The following PIEZO2 variants were observed in gnomAD, a reference collection of about 807,000 sequenced individuals.
PIEZO2 encodes piezo-type mechanosensitive ion channel component 2.
PIEZO2 carries 172 observed loss-of-function variants against 337.3 expected under a neutral mutation model. The observed-to-expected ratio is 0.51, with a 90% confidence interval of 0.45 to 0.58. PIEZO2 has a LOEUF of 0.58. PIEZO2 is among the 20% of genes least tolerant of loss of function. The probability of loss-of-function intolerance (pLI) is 0.00; values close to 1 mark genes in which losing one functional copy is unlikely to be tolerated. For synonymous variants in PIEZO2, 1,251 were observed against 1,228.5 expected, an observed-to-expected ratio of 1.02 and a Z score of -0.38; for missense variants, 3,028 against 3,391.3, an observed-to-expected ratio of 0.89 and a Z score of 2.66.
At chr18:11,117,402 C>T (rs1598986080) in intron 1 of PIEZO2, among the ~76,000 whole-genome samples, 1 of 152,162 alleles carries the variant, frequency 6.6e-6, no homozygotes, top group East Asian at 1.9e-4. Context: ...ACATTCTAGC[C>T]TTTGGGACCC....
Position 10,675,209 on chromosome 18 carries a change from C to T in PIEZO2, c.8161G>A (p.Glu2721Lys). ...NSKPIKQLLS[E>K]NNFMDITIIL... ...TGAAACAAATTTTTCTCATTCTTAC[C>T]AGATAAAAGTTGCTTTATAGGTTTT... Residue 2721 changes from glutamate (E) to lysine (K), a missense_variant and splice_region_variant, in exon 54 of 56, where the codon GAA becomes AAA. Coordinates refer to ENST00000674853, the MANE Select transcript of PIEZO2 (RefSeq NM_001378183.1). The T allele has an allele frequency of 6.6e-7, 1 of 1,525,276 alleles. No homozygotes were observed. Among genetic ancestry groups the T allele is most frequent in the Non-Finnish European group, 8.9e-7 (1 of 1,122,844 alleles). The allele number at this position is 1,525,276 out of a possible 1,614,324, so 94.5% of individuals were successfully genotyped here. A position where few individuals can be genotyped will look rare whatever the true frequency, so the allele number is the denominator to read the frequency against.
chr18:10,829,054 T>C (rs1189132998), intron 7 of PIEZO2, among the ~76,000 whole-genome samples: 1 of 152,214 alleles, frequency 6.6e-6, no homozygotes, highest in Non-Finnish European at 1.5e-5. Flanking sequence ...TTCACCTAAG[T>C]TCCTTCACAT....
At chr18:10,690,296 G>A (rs1011676145) in intron 48 of PIEZO2, among the ~76,000 whole-genome samples, 1 of 152,192 alleles carries the variant, frequency 6.6e-6, no homozygotes, top group African/African-American at 2.4e-5. Flanking sequence ...CACAGTGATG[G>A]TGTTGGCTCA....
intron 37 of PIEZO2, 65 bp downstream of exon 37, chr18:10,718,135 T>C: frequency 2.2e-6 from 3 of 1,363,936 alleles, no homozygotes; most frequent in Admixed American, 4.0e-5. Context: ...CCTTCCATTA[T>C]ATACGATCTG....
chr18:10,977,867 A>T (rs1646212808), intron 3 of PIEZO2, among the ~76,000 whole-genome samples: 1 of 152,232 alleles, frequency 6.6e-6, no homozygotes, highest in African/African-American at 2.4e-5. Flanking sequence ...CTGAATAGAC[A>T]AATCTAATAC....
At chr18:10,905,238 T>G (rs186157455) in intron 4 of PIEZO2, among the ~76,000 whole-genome samples, 25 of 152,306 alleles carry the variant, frequency 1.6e-4, no homozygotes, top group Non-Finnish European at 3.1e-4. Context: ...ATCATTGAAT[T>G]AAGACAGAGG....
chr18:10,874,707 T>C (rs1221566738), intron 4 of PIEZO2, among the ~76,000 whole-genome samples: 1 of 152,110 alleles, frequency 6.6e-6, no homozygotes, highest in Non-Finnish European at 1.5e-5. Context: ...TTAAGTGAAA[T>C]AAGTCAGACA....
In PIEZO2 at chr18:10,696,246, C is replaced by T. The variant is rs2035077104; in HGVS notation, c.7018G>A (p.Asp2340Asn). ...ACCAAAAACGGCCCCGGGACCTGGTCCTCTGACAGTGAAGAGGTGATGTCT... is the reference window on the plus strand; with the variant it reads ...ACCAAAAACGGCCCCGGGACCTGGTTCTCTGACAGTGAAGAGGTGATGTCT... ...AADITSSLSE[D>N]QVPGPFLVMV... The change falls in exon 47 of 56, where the codon GAC (aspartate) becomes AAC (asparagine). Residue 2340 changes from aspartate to asparagine, a missense_variant. This residue lies in a region of PIEZO2 where 179 missense variants were observed against 281.8 expected (regional missense o/e 0.64). Coordinates refer to ENST00000674853, the MANE Select transcript of PIEZO2 (RefSeq NM_001378183.1). 6.2e-7 allele frequency: 1 copy of T among 1,614,084 alleles called. No individual in the cohort carries two copies. Among genetic ancestry groups the T allele is most frequent in the South Asian group, 1.1e-5 (1 of 91,088 alleles).
Position 10,736,722 on chromosome 18 carries a change from A to G in PIEZO2, c.4709-12T>C. On this transcript the variant is annotated splice_polypyrimidine_tract_variant and intron_variant, in intron 33 of 55. Coordinates refer to ENST00000674853, the MANE Select transcript of PIEZO2 (RefSeq NM_001378183.1). Reference sequence around the variant, plus strand: ...TCCACTCCTGACCACTAAGCAAAACAAAATATTCACTCATTTCTTGAAAGA... The same window carrying G: ...TCCACTCCTGACCACTAAGCAAAACGAAATATTCACTCATTTCTTGAAAGA... 1 of 1,533,350 alleles carries G rather than the reference A, an allele frequency of 6.5e-7. No homozygotes were observed. The highest frequency in any genetic ancestry group is 8.7e-7 in the Non-Finnish European group (1 of 1,145,616). 95.0% of individuals were successfully genotyped at this position (1,533,350 alleles called of 1,614,324 possible).
At chr18:10,696,953 G>T (rs1334151392) in intron 45 of PIEZO2, among the ~76,000 whole-genome samples, 2 of 152,176 alleles carry the variant, frequency 1.3e-5, no homozygotes, top group African/African-American at 4.8e-5. Context: ...GATGCCTAGG[G>T]CCAAGGTGGG....
intron 4 of PIEZO2, among the ~76,000 whole-genome samples, chr18:10,896,067 A>AAG (rs1401130812): frequency 1.6e-4 from 25 of 151,578 alleles, no homozygotes; most frequent in African/African-American, 5.8e-4. Flanking sequence ...TCTCAAAAAA[A>AAG]AAAAACAAAA....
chr18:10,999,273 T>C (rs113597212), intron 2 of PIEZO2, among the ~76,000 whole-genome samples: 47 of 152,194 alleles, frequency 3.1e-4, no homozygotes, highest in African/African-American at 1.1e-3. Flanking sequence ...TATTTCAAAG[T>C]CTTCTTCAGC....
rs138305436 is a variant in PIEZO2, at chr18:10,795,074, A to G, written c.1528-72T>C. The G allele has an allele frequency of 9.4e-4, 1,179 of 1,254,476 alleles. 17 individuals carry two copies. In the East Asian group the frequency reaches 0.026, roughly 28 times the overall value. 77.7% of individuals were successfully genotyped at this position (1,254,476 alleles called of 1,614,324 possible). A position where few individuals can be genotyped will look rare whatever the true frequency, so the allele number is the denominator to read the frequency against. On this transcript the variant is annotated intron_variant, in intron 12 of 55. Transcript: ENST00000674853. The surrounding 1 kb of genome is among the most constrained non-coding windows in gnomAD (Gnocchi z 4.4). ...CAGTCCCCCCCGCCCTGGTAAGGTA[A>G]AAACTATCTAAAAAGAAAAGGTCAT... is the stretch of plus-strand genomic sequence containing the variant.
chr18:11,017,628 C>A (rs2036163085), intron 2 of PIEZO2, among the ~76,000 whole-genome samples: 1 of 152,086 alleles, frequency 6.6e-6, no homozygotes, highest in Non-Finnish European at 1.5e-5. Context: ...TGTTGTACTG[C>A]AGAATGGTTC....
At chr18:10,881,240 TG>T (rs1415484391) in intron 4 of PIEZO2, among the ~76,000 whole-genome samples, 2 of 152,132 alleles carry the variant, frequency 1.3e-5, no homozygotes, top group Non-Finnish European at 2.9e-5. Context: ...TATGTATGTA[TG>T]TATGTATGAT....
In PIEZO2 at chr18:10,982,050, G is replaced by T. The variant is rs1169724861; in HGVS notation, c.161-2390C>A. 2.0e-5 allele frequency among the ~76,000 whole-genome samples: 3 copies of T among 152,126 alleles called. No homozygotes were observed. The highest frequency in any genetic ancestry group is 1.9e-4 in the East Asian group (1 of 5,186). On this transcript the variant is annotated intron_variant, in intron 2 of 55. Transcript: ENST00000674853. This position sits in a 1 kb window ranked among gnomAD's most constrained non-coding sequence, Gnocchi z 4.1. ...TCAGGCCCCACCTTTAGCATTGGGG[G>T]TCAAATTTCAACATGAGACCTGTTG...
intron 24 of PIEZO2, 91 bp downstream of exon 24, chr18:10,760,820 T>C: frequency 1.0e-6 from 1 of 1,000,126 alleles, no homozygotes; most frequent in Non-Finnish European, 1.5e-6. Flanking sequence ...CCTGCAGATG[T>C]ATCACAAAGT....
In PIEZO2 at chr18:10,864,934, G is replaced by C. The variant is rs534712051; in HGVS notation, c.492+6319C>G. On this transcript the variant is annotated intron_variant, in intron 5 of 55. Transcript: ENST00000674853. The stretch of plus-strand genomic sequence containing the variant: ...TGGGGAGAAGAGCATCCGTGCAAGA[G>C]TGAACTACATAGCAGAGCCCCGGAA... Among the ~76,000 whole-genome samples, 75 of 152,336 alleles carry C rather than the reference G, an allele frequency of 4.9e-4. 1 individual carries two copies. The highest frequency in any genetic ancestry group is 1.7e-3 in the African/African-American group (69 of 41,578).
At chr18:10,725,143 G>T (rs1205317222) in intron 36 of PIEZO2, 2 of 1,456,804 alleles carry the variant, frequency 1.4e-6, no homozygotes, top group Non-Finnish European at 1.9e-6. Flanking sequence ...GCCTATGGCT[G>T]TGCTGAAGTA....
Sources: gnomAD v4.1 joint callset for allele counts (sites outside exome capture counted in the v4.1 genomes callset) on GRCh38, gnomAD v4.1.1 for gene constraint, gnomAD v4.1.1 regional missense constraint, Gnocchi (gnomAD v3.1) non-coding constraint, MANE v1.5 for transcripts, NCBI Gene and HGNC (gene_info 2026-07-23, HGNC 2026-07-21) for gene names.